LDLRAD4: variants seen among roughly 807,000 people sequenced by gnomAD.
LDLRAD4 encodes low density lipoprotein receptor class A domain containing 4.
A neutral mutation model predicts 17.0 loss-of-function variants in LDLRAD4; 5 were observed. That is an observed-to-expected ratio of 0.29 (90% CI 0.15 to 0.62). The LOEUF is 0.62. Among genes scored for constraint, LDLRAD4 ranks in the 20% least tolerant of loss-of-function variants. The pLI, the probability that LDLRAD4 is intolerant of heterozygous loss-of-function variation, is 0.84. For synonymous variants in LDLRAD4, 168 were observed against 171.8 expected, an observed-to-expected ratio of 0.98 and a Z score of 0.17; for missense variants, 340 against 424.7, an observed-to-expected ratio of 0.80 and a Z score of 1.75.
chr18:13,590,937 T>C (rs1338313261), intron 3 of LDLRAD4, among the ~76,000 whole-genome samples: 3 of 152,184 alleles, frequency 2.0e-5, no homozygotes, highest in Non-Finnish European at 4.4e-5. Context: ...GGCTGGTGCT[T>C]GTGTTCTCCC....
chr18:13,595,247 T>C (rs2095080840), intron 3 of LDLRAD4, among the ~76,000 whole-genome samples: 2 of 152,128 alleles, frequency 1.3e-5, no homozygotes, highest in Non-Finnish European at 2.9e-5. Context: ...TATTTCCTTC[T>C]TTTTTTCTTG....
chr18:13,292,665 AGGC>A (rs1271423421), intron 1 of LDLRAD4, among the ~76,000 whole-genome samples: 1 of 152,198 alleles, frequency 6.6e-6, no homozygotes, highest in Non-Finnish European at 1.5e-5. Context: ...GAATACCATG[AGGC>A]GTGGAAAGAT....
intron 3 of LDLRAD4, among the ~76,000 whole-genome samples, chr18:13,578,735 A>G (rs2094809862): frequency 6.6e-6 from 1 of 151,658 alleles, no homozygotes; most frequent in African/African-American, 2.4e-5. Context: ...GTTTTTTGCT[A>G]GGATGAAAAA....
chr18:13,502,637 AGCTCTGCTT>A (rs527314856), intron 3 of LDLRAD4, among the ~76,000 whole-genome samples: 16,857 of 152,244 alleles, frequency 0.11, 1,586 homozygotes, highest in African/African-American at 0.26. Context: ...CAAGCCGTGT[AGCTCTGCTT>A]CTCACCCACT....
intron 3 of LDLRAD4, among the ~76,000 whole-genome samples, chr18:13,473,636 CATATATATATATATATATATATATATAT>C (rs71366054): frequency 3.5e-5 from 1 of 28,780 alleles, no homozygotes; most frequent in Non-Finnish European, 6.0e-5. Context: ...GATCCCATCT[CATATATATATATATATATATATATATAT>C]ATATATATAT....
At chr18:13,387,564 C>A in exon 2 of LDLRAD4, 2 of 666,216 alleles carry the variant, frequency 3.0e-6, no homozygotes, top group South Asian at 1.7e-5. Context: ...CGCCCGCCCG[C>A]GCGAGAGCCG....
At chr18:13,544,013 C>T (rs1019022411) in intron 3 of LDLRAD4, among the ~76,000 whole-genome samples, 3 of 152,250 alleles carry the variant, frequency 2.0e-5, no homozygotes, top group East Asian at 1.9e-4. Context: ...TACGTGTGGA[C>T]GTGCACATGC....
intron 3 of LDLRAD4, among the ~76,000 whole-genome samples, chr18:13,438,786 T>G (rs1446292492): frequency 6.6e-6 from 1 of 152,212 alleles, no homozygotes; most frequent in African/African-American, 2.4e-5. Flanking sequence ...TTACATGGGA[T>G]CCTTGAAGGT....
At chr18:13,271,964 C>T (rs938391899) in intron 1 of LDLRAD4, among the ~76,000 whole-genome samples, 7 of 145,056 alleles carry the variant, frequency 4.8e-5, no homozygotes, top group Non-Finnish European at 7.4e-5. Flanking sequence ...GGCACAATCT[C>T]GGCTCACTTC....
At chr18:13,561,232 T>A (rs1005858810) in intron 3 of LDLRAD4, among the ~76,000 whole-genome samples, 3 of 152,250 alleles carry the variant, frequency 2.0e-5, no homozygotes, top group African/African-American at 7.2e-5. Flanking sequence ...TGGGTGAATT[T>A]ATTTTTAGGA....
At position 13,645,785 on chromosome 18, in the gene LDLRAD4, G is replaced by T; in HGVS notation, c.*128G>T. On this transcript the variant is annotated 3_prime_UTR_variant, in exon 6 of 6. Coordinates refer to ENST00000359446, the Ensembl canonical transcript of LDLRAD4. The surrounding 1 kb of genome is among the most constrained non-coding windows in gnomAD (Gnocchi z 5.7). ...AAGTAAAACCAAATGAGCAAACACG[G>T]TCTTTGTTTCTGATTCCTTTTAGGG... 6.5e-6 allele frequency: 4 copies of T among 617,454 alleles called. No individual in the cohort carries two copies. The highest frequency in any genetic ancestry group is 9.3e-5 in the South Asian group (2 of 21,610). The allele number at this position is 617,454 out of a possible 1,614,324, so 38.2% of individuals were successfully genotyped here. A position where few individuals can be genotyped will look rare whatever the true frequency, so the allele number is the denominator to read the frequency against.
rs376009999 is a variant in LDLRAD4 at position 13,309,475 on chromosome 18, T to G, written c.-383+31287T>G. On this transcript the variant is annotated intron_variant, in intron 1 of 5. Transcript: ENST00000359446. ...CGTTTATTACTTACAGAATTGTTTTTGTCTGTGTGAGTTTACTGAGGACTT... is the reference window on the plus strand; with the variant it reads ...CGTTTATTACTTACAGAATTGTTTTGGTCTGTGTGAGTTTACTGAGGACTT... Among the ~76,000 whole-genome samples the G allele has an allele frequency of 2.9e-4, 44 of 152,334 alleles. No homozygotes were observed. The East Asian group carries it at 7.9e-3, about 27-fold the overall frequency.
At chr18:13,500,111 GT>G (rs2147267008) in intron 3 of LDLRAD4, among the ~76,000 whole-genome samples, 1 of 152,270 alleles carries the variant, frequency 6.6e-6, no homozygotes, top group Admixed American at 6.5e-5. Flanking sequence ...ACAATGTGAT[GT>G]TTTGGTGATT....
At chr18:13,582,946 C>T (rs891961794) in intron 3 of LDLRAD4, among the ~76,000 whole-genome samples, 8 of 152,254 alleles carry the variant, frequency 5.3e-5, no homozygotes, top group Admixed American at 2.6e-4. Context: ...CCAACTCTGG[C>T]CTCAAGTGAT....
chr18:13,335,267 G>A lies in LDLRAD4; in HGVS notation c.-382-52074G>A, dbSNP rs553511638. ...CCATGAGCATTGGTGTCGAGCACAT[G>A]TTCTCTTCCTTCCTATCCCCTCACT... On this transcript the variant is annotated intron_variant, in intron 1 of 5. Coordinates refer to ENST00000359446, the Ensembl canonical transcript of LDLRAD4. 1.6e-3 allele frequency among the ~76,000 whole-genome samples: 251 copies of A among 152,282 alleles called. 1 individual carries two copies. The highest frequency in any genetic ancestry group is 5.8e-3 in the African/African-American group (242 of 41,566).
At chr18:13,393,252 G>T (rs1214747203) in intron 2 of LDLRAD4, among the ~76,000 whole-genome samples, 1 of 152,222 alleles carries the variant, frequency 6.6e-6, no homozygotes, top group Non-Finnish European at 1.5e-5. Context: ...TAAAAGGAGT[G>T]GGGGTGAATT....
At chr18:13,239,096 A>T (rs2042489407) in intron 1 of LDLRAD4, among the ~76,000 whole-genome samples, 9 of 151,486 alleles carry the variant, frequency 5.9e-5, no homozygotes, top group Admixed American at 3.9e-4. Context: ...CTGAGGCAGG[A>T]TAATTGCTTG....
intron 3 of LDLRAD4, among the ~76,000 whole-genome samples, chr18:13,443,620 C>T (rs1451961291): frequency 2.6e-5 from 4 of 152,178 alleles, no homozygotes; most frequent in African/African-American, 7.2e-5. Flanking sequence ...CATCGTAGAT[C>T]GCTTTGCTCT....
chr18:13,532,898 G>T lies in LDLRAD4; in HGVS notation c.182-88219G>T, dbSNP rs1462723268. On this transcript the variant is annotated intron_variant, in intron 3 of 5. Coordinates refer to ENST00000359446, the Ensembl canonical transcript of LDLRAD4. ...CTGAGGGTCAGGGGCCCTGTCCTGG[G>T]CAGGGGCCGTGGAAGGAGCCCTTGG... Among the ~76,000 whole-genome samples the T allele has an allele frequency of 3.3e-5, 5 of 152,220 alleles. No homozygotes were observed. The East Asian group carries it at 7.7e-4, about 23-fold the overall frequency.
Sources: gnomAD v4.1 joint callset for allele counts (sites outside exome capture counted in the v4.1 genomes callset) on GRCh38, gnomAD v4.1.1 for gene constraint, Gnocchi (gnomAD v3.1) non-coding constraint, MANE v1.5 for transcripts, NCBI Gene and HGNC (gene_info 2026-07-23, HGNC 2026-07-21) for gene names.